Variants in ADAMTSL1 observed in about 807,000 individuals in gnomAD.
The protein encoded by ADAMTSL1 is ADAMTS like 1, also known as ADAMTS-like protein 1.
ADAMTSL1 carries 126 observed loss-of-function variants against 201.8 expected under a neutral mutation model. That is an observed-to-expected ratio of 0.62 (90% CI 0.54 to 0.72). The LOEUF is 0.72. Among genes scored for constraint, ADAMTSL1 ranks in the 30% least tolerant of loss-of-function variants. ADAMTSL1 has a pLI of 0.00. For synonymous variants in ADAMTSL1, 1,121 were observed against 903.4 expected (o/e 1.24, Z -4.32); for missense variants, 2,679 against 2,277.8 (o/e 1.18, Z -3.59).
intron 2 of ADAMTSL1, among the ~76,000 whole-genome samples, chr9:18,218,381 G>A (rs1587335283): frequency 1.3e-5 from 2 of 152,046 alleles, no homozygotes; most frequent in African/African-American, 4.8e-5. Context: ...AATTCTTACT[G>A]TAATCATTTT....
chr9:18,543,570 A>G lies in ADAMTSL1; in HGVS notation c.237+10278A>G, dbSNP rs78153074. On this transcript the variant is annotated intron_variant, in intron 3 of 28. Coordinates refer to ENST00000380548, the MANE Select transcript of ADAMTSL1 (RefSeq NM_001040272.6). ...GGAGGTTGACTTTGGTTCAAAACAC[A>G]TCATTTCTTTTTCGCTAGTTAAACA... Among the ~76,000 whole-genome samples, 132 of 152,334 alleles carry G rather than the reference A, an allele frequency of 8.7e-4. 1 individual carries two copies. The highest frequency in any genetic ancestry group is 2.9e-3 in the African/African-American group (120 of 41,588).
intron 2 of ADAMTSL1, among the ~76,000 whole-genome samples, chr9:18,305,798 T>C (rs1833886188): frequency 6.6e-6 from 1 of 152,166 alleles, no homozygotes; most frequent in South Asian, 2.1e-4. Context: ...GACTTGAACG[T>C]TCCTGCCTGT....
At position 18,269,240 on chromosome 9, in the gene ADAMTSL1, A is replaced by G. The variant is rs564781135; in HGVS notation, c.207+105259A>G. 8.5e-5 allele frequency among the ~76,000 whole-genome samples: 13 copies of G among 152,254 alleles called. 1 individual carries two copies. The South Asian group carries it at 2.7e-3, about 32-fold the overall frequency. On this transcript the variant is annotated intron_variant, in intron 2 of 29. Coordinates refer to the ADAMTSL1 transcript ENST00000680146. Reference sequence around the variant, plus strand: ...ATTTATATACATATCATTTCTCTCCAGCTATACAGTAAACTCTTTGAAGGA... The same window carrying G: ...ATTTATATACATATCATTTCTCTCCGGCTATACAGTAAACTCTTTGAAGGA...
chr9:18,897,735 C>G (rs1228249292), intron 26 of ADAMTSL1, among the ~76,000 whole-genome samples: 1 of 152,140 alleles, frequency 6.6e-6, no homozygotes, highest in East Asian at 1.9e-4. Flanking sequence ...TAGATAAGCC[C>G]ACAAAGATGA....
At chr9:18,572,890 A>C (rs1485993051) in intron 3 of ADAMTSL1, among the ~76,000 whole-genome samples, 1 of 152,206 alleles carries the variant, frequency 6.6e-6, no homozygotes, top group East Asian at 1.9e-4. Flanking sequence ...GCCTTTCTAC[A>C]GCTGGAGAGT....
intron 9 of ADAMTSL1, among the ~76,000 whole-genome samples, chr9:18,668,046 C>A (rs918291578): frequency 6.6e-6 from 1 of 151,692 alleles, no homozygotes; most frequent in Non-Finnish European, 1.5e-5. Flanking sequence ...AAAAAAAAAA[C>A]TCAGTGTAAG....
At chr9:18,492,293 A>G (rs1236266419) in intron 1 of ADAMTSL1, among the ~76,000 whole-genome samples, 3 of 152,222 alleles carry the variant, frequency 2.0e-5, no homozygotes, top group Non-Finnish European at 4.4e-5. Context: ...AAAACATCAA[A>G]TAAAGCTGAC....
At chr9:18,416,078 T>C (rs534656517) in intron 2 of ADAMTSL1, among the ~76,000 whole-genome samples, 20 of 152,142 alleles carry the variant, frequency 1.3e-4, no homozygotes, top group African/African-American at 3.6e-4. Flanking sequence ...ATAAAAATTA[T>C]GACGAATGGG....
intron 2 of ADAMTSL1, among the ~76,000 whole-genome samples, chr9:18,380,133 C>A (rs930828226): frequency 1.3e-5 from 2 of 152,188 alleles, no homozygotes; most frequent in South Asian, 2.1e-4. Context: ...TAAGATTTCT[C>A]ACTGTTTATT....
At chr9:18,156,946 T>C (rs541769735) in intron 1 of ADAMTSL1, among the ~76,000 whole-genome samples, 2 of 152,226 alleles carry the variant, frequency 1.3e-5, no homozygotes, top group African/African-American at 4.8e-5. Context: ...ATTGGCTTTA[T>C]GTTTTGGGAA....
intron 3 of ADAMTSL1, among the ~76,000 whole-genome samples, chr9:18,552,870 T>G (rs986593291): frequency 3.3e-5 from 5 of 151,688 alleles, no homozygotes; most frequent in African/African-American, 1.2e-4. Flanking sequence ...TCTTACATCT[T>G]TTTCTACTCC....
intron 21 of ADAMTSL1, among the ~76,000 whole-genome samples, chr9:18,820,422 A>C (rs922464206): frequency 1.3e-5 from 2 of 152,220 alleles, no homozygotes; most frequent in African/African-American, 4.8e-5. Context: ...AGAAAAATTT[A>C]AGAGTCCAAA....
At chr9:18,892,292 A>C in intron 25 of ADAMTSL1, 97 bp from the exon 26 acceptor site, 2 of 1,281,434 alleles carry the variant, frequency 1.6e-6, no homozygotes, top group Non-Finnish European at 2.1e-6. Flanking sequence ...CTTGGCCCCA[A>C]ATTAGTGGCA....
At position 18,717,919 on chromosome 9, in the gene ADAMTSL1, G is replaced by T. The variant is rs1313392373; in HGVS notation, c.1877-3617G>T. 1.0e-5 allele frequency: 12 copies of T among 1,192,468 alleles called. No homozygotes were observed. The Admixed American group carries it at 1.4e-4, about 13-fold the overall frequency. The allele number at this position is 1,192,468 out of a possible 1,614,324, so 73.9% of individuals were successfully genotyped here. A position where few individuals can be genotyped will look rare whatever the true frequency, so the allele number is the denominator to read the frequency against. On this transcript the variant is annotated intron_variant, in intron 14 of 28. Coordinates refer to ENST00000380548, the MANE Select transcript of ADAMTSL1 (RefSeq NM_001040272.6). ...ACAAAGTTGGAGTGTTGGCACTATT[G>T]AATTGGACAACAGTTCTTCAGAGCT...
chr9:18,155,823 T>G (rs1587178235), intron 1 of ADAMTSL1, among the ~76,000 whole-genome samples: 1 of 152,180 alleles, frequency 6.6e-6, no homozygotes, highest in East Asian at 1.9e-4. Context: ...CCAATAGTAC[T>G]TGGGTCAAAA....
At chr9:17,992,902 A>C (rs1819219314) in intron 1 of ADAMTSL1, among the ~76,000 whole-genome samples, 1 of 152,188 alleles carries the variant, frequency 6.6e-6, no homozygotes, top group South Asian at 2.1e-4. Context: ...TTCCAGCATT[A>C]CACATAACCC....
At chr9:18,876,301 C>CGTGTGTGTGTGTGTGTGTGT (rs59150507) in intron 23 of ADAMTSL1, among the ~76,000 whole-genome samples, 1,998 of 139,690 alleles carry the variant, frequency 0.014, 24 homozygotes, top group East Asian at 0.036. Context: ...TGCCTGAATA[C>CGTGTGTGTGTGTGTGTGTGT]GTGTGTGTGT....
intron 2 of ADAMTSL1, among the ~76,000 whole-genome samples, chr9:18,172,682 A>G (rs137999047): frequency 8.5e-5 from 13 of 152,272 alleles, no homozygotes; most frequent in African/African-American, 2.9e-4. Context: ...ATTGAATGTT[A>G]TAGCCTAAAA....
chr9:18,279,983 T>C (rs1485488206), intron 2 of ADAMTSL1, among the ~76,000 whole-genome samples: 1 of 152,170 alleles, frequency 6.6e-6, no homozygotes, highest in African/African-American at 2.4e-5. Context: ...TGGGGCAATC[T>C]GGAACCTTGT....
Sources: allele counts gnomAD v4.1 joint callset (sites outside exome capture counted in the v4.1 genomes callset), GRCh38; gene constraint gnomAD v4.1.1; transcripts MANE v1.5; gene names NCBI Gene and HGNC (gene_info 2026-07-23, HGNC 2026-07-21).